Variants in USP40 observed in about 807,000 individuals in gnomAD.
USP40 encodes ubiquitin carboxyl-terminal hydrolase 40.
In USP40, 143 loss-of-function variants were observed where a neutral mutation model predicts 166.2. That is an observed-to-expected ratio of 0.86 (90% confidence interval 0.75 to 0.99). The LOEUF (loss-of-function observed/expected upper bound fraction) is 0.99. Ranked by LOEUF, USP40 falls within the 50% of genes least tolerant of loss-of-function variation. The pLI is 0.00. For missense variants in USP40, 1,444 were observed against 1,479.7 expected, an observed-to-expected ratio of 0.98 and a Z score of 0.40; for synonymous variants, 498 against 524.0, an observed-to-expected ratio of 0.95 and a Z score of 0.68.
At chr2:233,557,082 AC>A in intron 4 of USP40, 63 bp from the exon 5 acceptor site, 6 of 1,421,082 alleles carry the variant, frequency 4.2e-6, no homozygotes, top group Non-Finnish European at 5.8e-6. Flanking sequence ...CATTAAAAAA[AC>A]AAACATTAGT....
At chr2:233,482,093 T>G (rs1230656991) in intron 30 of USP40, among the ~76,000 whole-genome samples, 6 of 152,212 alleles carry the variant, frequency 3.9e-5, no homozygotes, top group African/African-American at 1.4e-4. Flanking sequence ...CAGGAGGGTC[T>G]GGCTACTTCT....
chr2:233,508,638 A>G (rs2066594307), intron 21 of USP40, among the ~76,000 whole-genome samples: 1 of 152,172 alleles, frequency 6.6e-6, no homozygotes, highest in Non-Finnish European at 1.5e-5. Flanking sequence ...TTAATTTATT[A>G]GGAGTTGAAA....
At chr2:233,505,224 G>A (rs1350950542) in intron 21 of USP40, among the ~76,000 whole-genome samples, 2 of 151,980 alleles carry the variant, frequency 1.3e-5, no homozygotes, top group African/African-American at 2.4e-5. Context: ...AGCAATAGAT[G>A]CCTAGATCAA....
rs1244796699 is a variant in USP40, at chr2:233,566,755, T to C, written c.-91A>G. 4.9e-5 allele frequency: 48 copies of C among 985,810 alleles called. No individual in the cohort carries two copies. The highest frequency in any genetic ancestry group is 5.7e-5 in the Non-Finnish European group (47 of 829,958). The allele number at this position is 985,810 out of a possible 1,614,324, so 61.1% of individuals were successfully genotyped here. A position where few individuals can be genotyped will look rare whatever the true frequency, so the allele number is the denominator to read the frequency against. On this transcript the variant is annotated 5_prime_UTR_variant, in exon 1 of 32. An upstream start codon of the reference 5' UTR is lost. Coordinates refer to ENST00000678225, the MANE Select transcript of USP40 (RefSeq NM_001365479.2). ...AACCCGCCCCAACTGGGCGCCGCCATGTTGGCGAGGGCGGGTCTCCAGAAA... is the reference window on the plus strand; with the variant it reads ...AACCCGCCCCAACTGGGCGCCGCCACGTTGGCGAGGGCGGGTCTCCAGAAA...
At chr2:233,488,827 G>A (rs2065119245) in intron 27 of USP40, among the ~76,000 whole-genome samples, 1 of 152,050 alleles carries the variant, frequency 6.6e-6, no homozygotes, top group South Asian at 2.1e-4. Flanking sequence ...GATCACTTGA[G>A]CCCAGGAGGT....
Position 233,540,696 on chromosome 2 carries a change from T to C in USP40, c.1136A>G (p.Lys379Arg). ...LLKKIGISWNKKYRKQHGPLR... is the reference protein window; with the variant it reads ...LLKKIGISWNRKYRKQHGPLR... ...TGGTCCATGCTGTTTTCTGTACTTC[T>C]TGTTCCAAGATATTCCTATCTTTTT... The change falls in exon 10 of 32, where the codon AAG (lysine) becomes AGG (arginine). Residue 379 changes from lysine (K) to arginine (R), a missense_variant. Lys to Arg is a conservative substitution (Grantham distance 26). Coordinates refer to ENST00000678225, the MANE Select transcript of USP40 (RefSeq NM_001365479.2). 1 of 1,613,036 alleles carries C rather than the reference T, an allele frequency of 6.2e-7. No individual in the cohort carries two copies. The highest frequency in any genetic ancestry group is 8.5e-7 in the Non-Finnish European group (1 of 1,179,328).
At chr2:233,517,466 G>C (rs927554318) in intron 18 of USP40, among the ~76,000 whole-genome samples, 2 of 143,558 alleles carry the variant, frequency 1.4e-5, no homozygotes, top group African/African-American at 5.2e-5. Context: ...CTCACTACAA[G>C]CTCTGCCTCC....
At chr2:233,481,879 A>C (rs895058746) in intron 30 of USP40, among the ~76,000 whole-genome samples, 1 of 152,178 alleles carries the variant, frequency 6.6e-6, no homozygotes, top group Non-Finnish European at 1.5e-5. Context: ...TATTTCCGTA[A>C]ATGCTGTCCA....
intron 21 of USP40, among the ~76,000 whole-genome samples, chr2:233,502,228 A>C (rs1038376420): frequency 4.6e-5 from 7 of 152,170 alleles, no homozygotes; most frequent in Non-Finnish European, 8.8e-5. Context: ...CCTTGAAATT[A>C]AAAAATGTAA....
chr2:233,549,021 G>T, intron 8 of USP40, 80 bp downstream of exon 8: 1 of 1,406,502 alleles, frequency 7.1e-7, no homozygotes, highest in Non-Finnish European at 9.6e-7. Context: ...ATAATAAATG[G>T]TAAACAAAAT....
At chr2:233,536,216 AGAT>A (rs1249712267) in intron 10 of USP40, among the ~76,000 whole-genome samples, 1 of 152,200 alleles carries the variant, frequency 6.6e-6, no homozygotes, top group Non-Finnish European at 1.5e-5. Flanking sequence ...TTAAAGGAAA[AGAT>A]GAATAGAATG....
chr2:233,489,297 C>T, intron 27 of USP40, 68 bp downstream of exon 27: 2 of 1,400,066 alleles, frequency 1.4e-6, no homozygotes, highest in Non-Finnish European at 9.9e-7. Flanking sequence ...GATTCCTCCT[C>T]CATCCCTCAC....
At chr2:233,553,611 G>A (rs1350283992) in intron 6 of USP40, among the ~76,000 whole-genome samples, 1 of 152,158 alleles carries the variant, frequency 6.6e-6, no homozygotes, top group African/African-American at 2.4e-5. Context: ...AATAACACCA[G>A]GGAGGTGTTC....
chr2:233,553,506 G>A (rs1055489389), intron 6 of USP40, among the ~76,000 whole-genome samples: 37 of 152,268 alleles, frequency 2.4e-4, no homozygotes, highest in Non-Finnish European at 3.7e-4. Flanking sequence ...ACCAATATGT[G>A]GCAGAGGGAT....
In USP40 at chr2:233,476,230, C is replaced by T. The variant is rs557639786; in HGVS notation, c.*1162G>A. The T allele has an allele frequency of 2.6e-5, 4 of 152,348 alleles. No individual in the cohort carries two copies. The highest frequency in any genetic ancestry group is 7.2e-5 in the African/African-American group (3 of 41,450). The allele number at this position is 152,348 out of a possible 1,614,324, so 9.4% of individuals were successfully genotyped here. On this transcript the variant is annotated 3_prime_UTR_variant, in exon 32 of 32. Coordinates refer to ENST00000678225, the MANE Select transcript of USP40 (RefSeq NM_001365479.2). The stretch of plus-strand genomic sequence containing the variant: ...CGGTGTCCTTTCTGCCCTCACACTT[C>T]AGTGCTGCTTCCCATCAGTGACGGG...
chr2:233,527,592 C>T lies in USP40; in HGVS notation c.1554-14G>A, dbSNP rs201097038. 6.3e-7 allele frequency: 1 copy of T among 1,585,210 alleles called. No individual in the cohort carries two copies. The highest frequency in any genetic ancestry group is 8.6e-7 in the Non-Finnish European group (1 of 1,168,070). On this transcript the variant is annotated splice_polypyrimidine_tract_variant and intron_variant, in intron 12 of 31. Transcript: ENST00000678225. ...TCACATTCTGCCCTTTAAAGAGGCA[C>T]AAAAATACATAAATACTGTGTTTTT...
chr2:233,498,287 C>T (rs950226311), intron 23 of USP40, among the ~76,000 whole-genome samples: 1 of 152,164 alleles, frequency 6.6e-6, no homozygotes, highest in Non-Finnish European at 1.5e-5. Flanking sequence ...AAGTTCTCTG[C>T]CTTCTCATGA....
chr2:233,529,180 C>A (rs879273780), intron 12 of USP40, among the ~76,000 whole-genome samples: 19 of 152,220 alleles, frequency 1.2e-4, no homozygotes, highest in South Asian at 4.1e-4. Flanking sequence ...TTTCTCTACT[C>A]TTGTTAGGCT....
chr2:233,532,103 C>G (rs1447442244), intron 11 of USP40, among the ~76,000 whole-genome samples: 1 of 152,188 alleles, frequency 6.6e-6, no homozygotes, highest in African/African-American at 2.4e-5. Flanking sequence ...GTTTGCAACT[C>G]TGTAACCATT....
Sources: gnomAD v4.1 joint callset for allele counts (sites outside exome capture counted in the v4.1 genomes callset) on GRCh38, gnomAD v4.1.1 for gene constraint, MANE v1.5 for transcripts, NCBI Gene and HGNC (gene_info 2026-07-23, HGNC 2026-07-21) for gene names.